The following ME2 variants were observed in gnomAD, a reference collection of about 807,000 sequenced individuals.
ME2 encodes the protein NAD-dependent malic enzyme, mitochondrial.
In ME2, 60 loss-of-function variants were observed where a neutral mutation model predicts 73.7. The ratio of observed to expected loss-of-function variants is 0.81; its 90% CI spans 0.66 to 1.01. The LOEUF is 1.01. Ranked by LOEUF, ME2 falls within the 50% of genes least tolerant of loss-of-function variation. ME2 has a pLI of 0.00. For missense variants in ME2, 594 were observed against 705.5 expected, an observed-to-expected ratio of 0.84 and a Z score of 1.79; for synonymous variants, 199 against 236.9, an observed-to-expected ratio of 0.84 and a Z score of 1.47.
chr18:50,902,249 T>C (rs1916908442), intron 2 of ME2, among the ~76,000 whole-genome samples: 1 of 152,246 alleles, frequency 6.6e-6, no homozygotes, highest in Non-Finnish European at 1.5e-5. Flanking sequence ...TCTGGTTTTC[T>C]GGTTATTAGT....
intron 10 of ME2, 114 bp downstream of exon 10, chr18:50,921,301 T>C (rs1344850488): frequency 9.3e-6 from 5 of 538,994 alleles, no homozygotes; most frequent in East Asian, 3.3e-5. Context: ...ATTATACCAA[T>C]TGGGACCTTC....
At chr18:50,893,474 G>A (rs554087938) in intron 1 of ME2, among the ~76,000 whole-genome samples, 2 of 152,176 alleles carry the variant, frequency 1.3e-5, no homozygotes, top group Non-Finnish European at 2.9e-5. Context: ...CCTTTCCCCT[G>A]AAAAGGCCAT....
At chr18:50,933,679 A>G (rs1337883682) in intron 13 of ME2, 1 of 150,752 alleles carries the variant, frequency 6.6e-6, no homozygotes, top group East Asian at 1.9e-4. Flanking sequence ...TTTTTTTTTT[A>G]GTTCCAGGGG....
rs555810192 is a variant in ME2, at chr18:50,944,598, T to C, written c.1588-2419T>C. On this transcript the variant is annotated intron_variant, in intron 15 of 15. Transcript: ENST00000321341. ...ATGCCTTGCCCGTAATCTTTTTCTG[T>C]GGTTACTACCAGCCTGTGGGAAAGA... is the stretch of plus-strand genomic sequence containing the variant. Among the ~76,000 whole-genome samples, 17 of 152,328 alleles carry C rather than the reference T, an allele frequency of 1.1e-4. No individual in the cohort carries two copies. In the South Asian group the frequency reaches 3.5e-3, roughly 32 times the overall value.
intron 1 of ME2, among the ~76,000 whole-genome samples, chr18:50,880,015 A>G (rs945945962): frequency 6.6e-6 from 1 of 152,194 alleles, no homozygotes; most frequent in African/African-American, 2.4e-5. Context: ...GTGCTTTCTT[A>G]CAAAACGTTT....
At chr18:50,935,135 C>G (rs1273889750) in intron 13 of ME2, 1 of 152,092 alleles carries the variant, frequency 6.6e-6, no homozygotes, top group Non-Finnish European at 1.5e-5. Flanking sequence ...CCAGTGCCCA[C>G]AAGTGCCCAG....
At position 50,940,321 on chromosome 18, in the gene ME2, G is replaced by T; in HGVS notation, c.1522G>T (p.Ala508Ser). ...LTSQLTDEEL[A>S]QGRLYPPLAN... ...AAGCCAATTGACAGATGAAGAGCTA[G>T]CCCAAGGGAGACTTTACCCACCGCT... Residue 508 changes from alanine to serine, a missense_variant, in exon 15 of 16, where the codon GCC becomes TCC. Ala to Ser is a moderately conservative substitution (Grantham distance 99). Transcript: ENST00000321341. 1 of 1,611,148 alleles carries T rather than the reference G, an allele frequency of 6.2e-7. No individual in the cohort carries two copies. Among genetic ancestry groups the T allele is most frequent in the Non-Finnish European group, 8.5e-7 (1 of 1,179,426 alleles).
intron 2 of ME2, among the ~76,000 whole-genome samples, chr18:50,899,706 C>G (rs909784191): frequency 2.0e-5 from 3 of 152,170 alleles, no homozygotes; most frequent in African/African-American, 7.2e-5. Context: ...TTCCTAATTC[C>G]TCACCACACT....
At chr18:50,891,847 T>G (rs1170697683) in intron 1 of ME2, among the ~76,000 whole-genome samples, 3 of 146,938 alleles carry the variant, frequency 2.0e-5, no homozygotes, top group South Asian at 4.6e-4. Context: ...GGGGTCTCAC[T>G]CTGTCATCCA....
At chr18:50,917,616 G>GA in intron 6 of ME2, 108 bp downstream of exon 6, 1 of 738,546 alleles carries the variant, frequency 1.4e-6, no homozygotes. Context: ...TTTATGATTA[G>GA]ATTTTTTTTT....
Position 50,920,705 on chromosome 18 carries a change from G to A in ME2, c.889G>A (p.Val297Ile), listed in dbSNP as rs1176895331. ...AGCAGGTCTTCTTGCAGCACAAAAA[G>A]TTATTAGTAAACCAATCTCCGAACA... ...ALAGLLAAQK[V>I]ISKPISEHKI... is the part of the protein sequence containing the mutation. Residue 297 changes from valine (V) to isoleucine (I), a missense_variant, in exon 9 of 16, where the codon GTT becomes ATT. Physicochemically the swap from Val to Ile is conservative, Grantham distance 29. Coordinates refer to ENST00000321341, the MANE Select transcript of ME2 (RefSeq NM_002396.5). 8 of 1,612,360 alleles carry A rather than the reference G, an allele frequency of 5.0e-6. No homozygotes were observed. The highest frequency in any genetic ancestry group is 2.2e-5 in the South Asian group (2 of 90,920).
intron 15 of ME2, 83 bp from the exon 16 acceptor site, chr18:50,946,934 T>TA: frequency 5.1e-6 from 5 of 984,452 alleles, no homozygotes; most frequent in Non-Finnish European, 7.7e-6. Context: ...CTTCTAAACT[T>TA]ATTTTCCTGT....
chr18:50,928,932 C>T (rs749834739), intron 12 of ME2, among the ~76,000 whole-genome samples: 8 of 152,116 alleles, frequency 5.3e-5, no homozygotes, highest in Non-Finnish European at 8.8e-5. Context: ...ATATATCTTG[C>T]TTCCCTCTTC....
chr18:50,918,385 G>A (rs1158513222), intron 7 of ME2, among the ~76,000 whole-genome samples, 172 bp downstream of exon 7: 6 of 150,774 alleles, frequency 4.0e-5, no homozygotes, highest in Non-Finnish European at 4.4e-5. Context: ...TAGATGTGCC[G>A]ATATGAGGTG....
chr18:50,896,808 G>C (rs1028267367), intron 2 of ME2, among the ~76,000 whole-genome samples: 3 of 152,148 alleles, frequency 2.0e-5, no homozygotes, highest in Non-Finnish European at 4.4e-5. Context: ...AGGGGTTTCA[G>C]GCCTACAAAG....
In ME2 at chr18:50,947,685, A is replaced by G. The variant is rs1416257864; in HGVS notation, c.*501A>G. 1 of 152,326 alleles carries G rather than the reference A, an allele frequency of 6.6e-6. No homozygotes were observed. Among genetic ancestry groups the G allele is most frequent in the East Asian group, 1.9e-4 (1 of 5,204 alleles). 9.4% of individuals were successfully genotyped at this position (152,326 alleles called of 1,614,324 possible). A position where few individuals can be genotyped will look rare whatever the true frequency, so the allele number is the denominator to read the frequency against. ...TATATCTGCTTCATCTTACCTTCAT[A>G]CTCTGAAATTCCCTATAGCAGACAG... On this transcript the variant is annotated 3_prime_UTR_variant, in exon 16 of 16. Transcript: ENST00000321341.
At chr18:50,941,941 T>C (rs1917973694) in intron 15 of ME2, among the ~76,000 whole-genome samples, 1 of 151,880 alleles carries the variant, frequency 6.6e-6, no homozygotes, top group African/African-American at 2.4e-5. Flanking sequence ...TATATATATA[T>C]TAAGTGTATA....
chr18:50,890,582 A>G (rs1301808177), intron 1 of ME2, among the ~76,000 whole-genome samples: 2 of 152,114 alleles, frequency 1.3e-5, no homozygotes, highest in Non-Finnish European at 2.9e-5. Context: ...AGTTTTATCT[A>G]TATCATTTTT....
chr18:50,911,012 A>G (rs1917144193), intron 3 of ME2, among the ~76,000 whole-genome samples: 1 of 152,214 alleles, frequency 6.6e-6, no homozygotes. Flanking sequence ...CCAAGAGTGG[A>G]TAAGGGCATT....
Sources: gnomAD v4.1 joint callset for allele counts (sites outside exome capture counted in the v4.1 genomes callset) on GRCh38, gnomAD v4.1.1 for gene constraint, MANE v1.5 for transcripts, NCBI Gene and HGNC (gene_info 2026-07-23, HGNC 2026-07-21) for gene names.